NALF1: variants seen among roughly 807,000 people sequenced by gnomAD.
NALF1 encodes the protein family with sequence similarity 155 member A.
Under a neutral mutation model 48.4 loss-of-function variants are expected in NALF1, and 3 were observed. The ratio of observed to expected loss-of-function variants is 0.06; its 90% CI spans 0.03 to 0.16. The LOEUF (loss-of-function observed/expected upper bound fraction) is 0.16. NALF1 is among the 10% of genes least tolerant of loss of function. NALF1 has a pLI of 1.00. For synonymous variants in NALF1, 262 were observed against 245.7 expected, an observed-to-expected ratio of 1.07 and a Z score of -0.62; for missense variants, 526 against 571.5, an observed-to-expected ratio of 0.92 and a Z score of 0.81.
At chr13:107,365,067 TCTTC>T (rs1221251034) in intron 1 of NALF1, among the ~76,000 whole-genome samples, 5 of 141,904 alleles carry the variant, frequency 3.5e-5, no homozygotes, top group Non-Finnish European at 7.7e-5. Flanking sequence ...TCCCTCTTCC[TCTTC>T]CTTTTATTCC....
intron 1 of NALF1, among the ~76,000 whole-genome samples, chr13:107,755,085 G>A (rs946838389): frequency 1.3e-5 from 2 of 152,124 alleles, no homozygotes; most frequent in African/African-American, 4.8e-5. Flanking sequence ...AAACTGCAAA[G>A]GCATAAGGAG....
intron 1 of NALF1, among the ~76,000 whole-genome samples, chr13:107,435,666 C>T (rs1475951115): frequency 6.6e-6 from 1 of 151,896 alleles, no homozygotes. Flanking sequence ...ACAGTGTTCT[C>T]AAAGATGAAA....
intron 1 of NALF1, among the ~76,000 whole-genome samples, chr13:107,738,405 A>G (rs542165482): frequency 6.6e-6 from 1 of 152,308 alleles, no homozygotes; most frequent in African/African-American, 2.4e-5. Flanking sequence ...TTAGTCTCAT[A>G]AGATTCCAAT....
At chr13:107,712,385 CAG>C (rs753143171) in intron 1 of NALF1, among the ~76,000 whole-genome samples, 4 of 152,266 alleles carry the variant, frequency 2.6e-5, no homozygotes, top group Non-Finnish European at 4.4e-5. Context: ...CGCAATAAAA[CAG>C]AGGACAAGGC....
intron 1 of NALF1, among the ~76,000 whole-genome samples, chr13:107,624,611 G>C (rs1204292854): frequency 6.6e-6 from 1 of 152,172 alleles, no homozygotes; most frequent in Non-Finnish European, 1.5e-5. Context: ...ATATATAGAT[G>C]TTTATAGAAG....
At chr13:107,738,955 C>T (rs1171223406) in intron 1 of NALF1, among the ~76,000 whole-genome samples, 1 of 152,148 alleles carries the variant, frequency 6.6e-6, no homozygotes, top group Non-Finnish European at 1.5e-5. Flanking sequence ...AGCCACCTCG[C>T]CCAGCTGAGT....
intron 1 of NALF1, among the ~76,000 whole-genome samples, chr13:107,493,371 C>T (rs114615313): frequency 1.4e-4 from 21 of 152,228 alleles, no homozygotes; most frequent in African/African-American, 4.6e-4. Flanking sequence ...AGACCAGGCT[C>T]TCTTGGGTGT....
chr13:107,751,060 G>A (rs1876925283), intron 1 of NALF1, among the ~76,000 whole-genome samples: 2 of 152,316 alleles, frequency 1.3e-5, no homozygotes, highest in Middle Eastern at 6.8e-3. Context: ...AATGCAATGT[G>A]CTATTAAGCA....
intron 1 of NALF1, among the ~76,000 whole-genome samples, chr13:107,494,575 T>C (rs1362632366): frequency 6.6e-6 from 1 of 152,246 alleles, no homozygotes; most frequent in African/African-American, 2.4e-5. Flanking sequence ...GATCATTCAT[T>C]GCTGCATAAC....
At chr13:107,650,243 A>T (rs1327849377) in intron 1 of NALF1, among the ~76,000 whole-genome samples, 1 of 152,134 alleles carries the variant, frequency 6.6e-6, no homozygotes, top group South Asian at 2.1e-4. Context: ...GTCACCTGAC[A>T]GAACCAGGGT....
At chr13:107,308,059 C>T (rs941775965) in intron 1 of NALF1, among the ~76,000 whole-genome samples, 1 of 152,090 alleles carries the variant, frequency 6.6e-6, no homozygotes, top group Non-Finnish European at 1.5e-5. Context: ...ATGTGACACC[C>T]TTAGTATAAT....
chr13:107,391,883 C>T (rs1407465657), intron 1 of NALF1, among the ~76,000 whole-genome samples: 3 of 152,102 alleles, frequency 2.0e-5, no homozygotes, highest in Non-Finnish European at 4.4e-5. Flanking sequence ...ACCTTGGGCA[C>T]ATGTTCTCTG....
intron 1 of NALF1, among the ~76,000 whole-genome samples, chr13:107,601,928 C>G (rs1018097515): frequency 1.3e-5 from 2 of 152,038 alleles, no homozygotes; most frequent in Admixed American, 6.6e-5. Context: ...TTCTATTTCT[C>G]TCTCCCACTT....
chr13:107,224,028 TA>T (rs1348228137), intron 1 of NALF1, among the ~76,000 whole-genome samples: 1 of 152,220 alleles, frequency 6.6e-6, no homozygotes, highest in Non-Finnish European at 1.5e-5. Context: ...ATTAATTAAT[TA>T]ATTATTGATT....
intron 1 of NALF1, among the ~76,000 whole-genome samples, chr13:107,219,272 C>T (rs904266845): frequency 1.3e-5 from 2 of 152,196 alleles, no homozygotes; most frequent in Admixed American, 6.5e-5. Context: ...CAGAGTATTA[C>T]ATGTCCTCTA....
At position 107,357,903 on chromosome 13, in the gene NALF1, G is replaced by C. The variant is rs116675233; in HGVS notation, c.916-147148C>G. ...TCACTGATAATTCAGGGGTCATTGCGAGGCTCTCCATGGCTCATCTCATTA... is the reference window on the plus strand; with the variant it reads ...TCACTGATAATTCAGGGGTCATTGCCAGGCTCTCCATGGCTCATCTCATTA... On this transcript the variant is annotated intron_variant, in intron 1 of 2. Coordinates refer to ENST00000375915, the MANE Select transcript of NALF1 (RefSeq NM_001080396.3). Among the ~76,000 whole-genome samples the C allele has an allele frequency of 2.3e-3, 353 of 152,208 alleles. 1 individual carries two copies. Among genetic ancestry groups the C allele is most frequent in the African/African-American group, 7.9e-3 (327 of 41,530 alleles).
intron 1 of NALF1, among the ~76,000 whole-genome samples, chr13:107,770,827 C>T (rs994903490): frequency 2.0e-5 from 3 of 152,156 alleles, no homozygotes; most frequent in African/African-American, 7.2e-5. Context: ...TTACATTTTT[C>T]TCTTCCCTTT....
chr13:107,746,502 C>T (rs938755101), intron 1 of NALF1, among the ~76,000 whole-genome samples: 1 of 152,148 alleles, frequency 6.6e-6, no homozygotes, highest in African/African-American at 2.4e-5. Flanking sequence ...TCTGTTTTAG[C>T]ATAGGCATTT....
At chr13:107,675,501 G>A (rs1021886253) in intron 1 of NALF1, among the ~76,000 whole-genome samples, 9 of 152,112 alleles carry the variant, frequency 5.9e-5, no homozygotes, top group African/African-American at 1.2e-4. Flanking sequence ...TCTTTATCTC[G>A]TTTCTTTTTC....
Sources: allele counts gnomAD v4.1 joint callset (sites outside exome capture counted in the v4.1 genomes callset), GRCh38; gene constraint gnomAD v4.1.1; transcripts MANE v1.5; gene names NCBI Gene and HGNC (gene_info 2026-07-23, HGNC 2026-07-21).